Variants in CCSER1 observed in about 807,000 individuals in gnomAD.
CCSER1 encodes coiled-coil serine rich protein 1.
In CCSER1, 41 loss-of-function variants were observed where a neutral mutation model predicts 82.0. That is an observed-to-expected ratio of 0.50 (90% confidence interval 0.39 to 0.65). CCSER1 has a LOEUF of 0.65. Among genes scored for constraint, CCSER1 ranks in the 30% least tolerant of loss-of-function variants. The pLI is 0.00. For synonymous variants in CCSER1, 414 were observed against 383.9 expected (o/e 1.08, Z -0.92); for missense variants, 1,119 against 1,064.2 (o/e 1.05, Z -0.72).
intron 1 of CCSER1, among the ~76,000 whole-genome samples, chr4:90,243,149 A>G (rs559039805): frequency 1.3e-5 from 2 of 150,694 alleles, no homozygotes; most frequent in East Asian, 3.9e-4. Flanking sequence ...CTGCAGCTTC[A>G]AACTCCTGGG....
chr4:90,217,732 T>C (rs1741353460), intron 1 of CCSER1, among the ~76,000 whole-genome samples: 1 of 152,162 alleles, frequency 6.6e-6, no homozygotes. Context: ...GCTGTGTGTT[T>C]GTTATAAATG....
chr4:91,028,039 C>T (rs1561483513), intron 9 of CCSER1, among the ~76,000 whole-genome samples: 1 of 151,874 alleles, frequency 6.6e-6, no homozygotes, highest in Non-Finnish European at 1.5e-5. Context: ...ATAAATTCAG[C>T]AACAACACAC....
chr4:90,783,340 T>C (rs2123954), intron 7 of CCSER1, among the ~76,000 whole-genome samples: 9,024 of 152,142 alleles, frequency 0.059, 370 homozygotes, highest in Admixed American at 0.11. Context: ...AGGCAGGCGA[T>C]TATAGAGAAA....
intron 9 of CCSER1, among the ~76,000 whole-genome samples, chr4:91,005,281 T>A (rs1738402847): frequency 6.6e-6 from 1 of 152,172 alleles, no homozygotes; most frequent in Non-Finnish European, 1.5e-5. Flanking sequence ...ATACTGGTAA[T>A]GTTACAGTGT....
chr4:91,594,366 TAC>T (rs1402574857), intron 10 of CCSER1, among the ~76,000 whole-genome samples: 36 of 137,848 alleles, frequency 2.6e-4, no homozygotes, highest in African/African-American at 8.0e-4. Flanking sequence ...CACATATATA[TAC>T]ACATATATAT....
At chr4:90,883,375 T>C (rs187329370) in intron 8 of CCSER1, among the ~76,000 whole-genome samples, 11 of 152,150 alleles carry the variant, frequency 7.2e-5, no homozygotes, top group Admixed American at 5.9e-4. Context: ...TACATTTAAA[T>C]TCAGTTAAAT....
At chr4:91,155,723 G>T (rs920363369) in intron 10 of CCSER1, among the ~76,000 whole-genome samples, 2 of 151,712 alleles carry the variant, frequency 1.3e-5, no homozygotes, top group African/African-American at 4.8e-5. Flanking sequence ...TTAATCTCTT[G>T]CAGAAACTAT....
chr4:90,685,757 T>C (rs114062566), intron 6 of CCSER1, among the ~76,000 whole-genome samples: 212 of 152,258 alleles, frequency 1.4e-3, no homozygotes, highest in African/African-American at 4.9e-3. Flanking sequence ...ACTCAAAACA[T>C]TGGAAAATCA....
intron 4 of CCSER1, among the ~76,000 whole-genome samples, chr4:90,447,820 T>C (rs1003443658): frequency 4.6e-5 from 7 of 152,184 alleles, no homozygotes; most frequent in East Asian, 1.9e-4. Flanking sequence ...TAAATAACAT[T>C]TGTAGAAAAG....
At chr4:90,453,718 G>A (rs1761797528) in intron 4 of CCSER1, among the ~76,000 whole-genome samples, 1 of 152,188 alleles carries the variant, frequency 6.6e-6, no homozygotes, top group Non-Finnish European at 1.5e-5. Flanking sequence ...TAGAAAGCAT[G>A]AGTAAACAAG....
chr4:91,397,472 GT>G (rs1346279361), intron 10 of CCSER1, among the ~76,000 whole-genome samples: 1 of 151,986 alleles, frequency 6.6e-6, no homozygotes, highest in Non-Finnish European at 1.5e-5. Context: ...CATTCTTTAT[GT>G]TTTTGTAGAT....
intron 9 of CCSER1, among the ~76,000 whole-genome samples, chr4:91,059,381 A>G (rs6854440): frequency 0.86 from 127,857 of 148,462 alleles, 55,409 homozygotes; most frequent in Non-Finnish European, 0.91. Flanking sequence ...GTGCGCATGC[A>G]CACCTGTGTT....
intron 10 of CCSER1, among the ~76,000 whole-genome samples, chr4:91,351,003 C>T (rs1405856751): frequency 2.0e-5 from 3 of 151,900 alleles, no homozygotes; most frequent in South Asian, 4.2e-4. Context: ...TAATTTGGGT[C>T]TTACATGCAT....
intron 9 of CCSER1, among the ~76,000 whole-genome samples, chr4:91,075,246 C>A (rs1425041771): frequency 6.6e-6 from 1 of 151,806 alleles, no homozygotes; most frequent in Admixed American, 6.6e-5. Flanking sequence ...ATTTAGCACA[C>A]TGCAGAACAT....
chr4:90,796,555 C>G (rs4557233), intron 7 of CCSER1, among the ~76,000 whole-genome samples: 52,838 of 151,562 alleles, frequency 0.35, 9,570 homozygotes, highest in African/African-American at 0.46. Flanking sequence ...TGATTTTCTA[C>G]TTCTTTTAGT....
intron 10 of CCSER1, among the ~76,000 whole-genome samples, chr4:91,588,488 T>G (rs1201848444): frequency 6.6e-6 from 1 of 151,760 alleles, no homozygotes; most frequent in Non-Finnish European, 1.5e-5. Flanking sequence ...CATAACTTTT[T>G]GTACTATAAT....
intron 3 of CCSER1, among the ~76,000 whole-genome samples, chr4:90,322,664 CT>C (rs1393436708): frequency 9.9e-5 from 15 of 152,144 alleles, no homozygotes; most frequent in Admixed American, 9.8e-4. Context: ...TCTTTCACTT[CT>C]TTGGTTAAGT....
At chr4:91,290,001 GAAAC>G (rs1389131241) in intron 10 of CCSER1, among the ~76,000 whole-genome samples, 2 of 151,938 alleles carry the variant, frequency 1.3e-5, no homozygotes, top group African/African-American at 4.8e-5. Flanking sequence ...TATCTACAAA[GAAAC>G]AAAGACAGGA....
At chr4:91,068,253 GAAAT>G (rs1721048875) in intron 9 of CCSER1, among the ~76,000 whole-genome samples, 1 of 152,116 alleles carries the variant, frequency 6.6e-6, no homozygotes, top group Non-Finnish European at 1.5e-5. Flanking sequence ...ATATCATAGA[GAAAT>G]AAAAATGGTC....
Sources: gnomAD v4.1 joint callset for allele counts (sites outside exome capture counted in the v4.1 genomes callset) on GRCh38, gnomAD v4.1.1 for gene constraint, MANE v1.5 for transcripts, NCBI Gene and HGNC (gene_info 2026-07-23, HGNC 2026-07-21) for gene names.